BMPR1B: variants seen among roughly 807,000 people sequenced by gnomAD.
BMPR1B encodes the protein bone morphogenetic protein receptor type-1B.
BMPR1B carries 12 observed loss-of-function variants against 59.1 expected under a neutral mutation model. That is an observed-to-expected ratio of 0.20 (90% CI 0.13 to 0.33). The LOEUF is 0.33. BMPR1B is among the 10% of genes least tolerant of loss of function. The probability of loss-of-function intolerance (pLI) is 1.00; values close to 1 mark genes in which losing one functional copy is unlikely to be tolerated. For synonymous variants in BMPR1B, 237 were observed against 207.3 expected (o/e 1.14, Z -1.23); for missense variants, 550 against 610.9 (o/e 0.90, Z 1.05).
intron 3 of BMPR1B, among the ~76,000 whole-genome samples, chr4:95,095,353 A>G (rs986806155): frequency 6.6e-6 from 1 of 152,152 alleles, no homozygotes; most frequent in African/African-American, 2.4e-5. Context: ...AGTTTTGGTT[A>G]AGAAAGAAAA....
intron 3 of BMPR1B, among the ~76,000 whole-genome samples, chr4:95,040,074 G>A (rs1725544127): frequency 6.6e-6 from 1 of 150,940 alleles, no homozygotes; most frequent in African/African-American, 2.4e-5. Context: ...CCATAGGACT[G>A]ATATTTCGTA....
In BMPR1B at chr4:95,131,626, A is replaced by T. The variant is rs906734463; in HGVS notation, c.1076+114A>T. 3 of 1,265,378 alleles carry T rather than the reference A, an allele frequency of 2.4e-6. No homozygotes were observed. In the Admixed American group the frequency reaches 6.0e-5, roughly 25 times the overall value. The allele number at this position is 1,265,378 out of a possible 1,614,324, so 78.4% of individuals were successfully genotyped here. A position where few individuals can be genotyped will look rare whatever the true frequency, so the allele number is the denominator to read the frequency against. On this transcript the variant is annotated intron_variant, in intron 10 of 12. Transcript: ENST00000515059. ...GAAGAGGAATATCATTAATTTTGACATTTGACGGGGAGAACCACCAAACAT... is the reference window on the plus strand; with the variant it reads ...GAAGAGGAATATCATTAATTTTGACTTTTGACGGGGAGAACCACCAAACAT...
intron 6 of BMPR1B, among the ~76,000 whole-genome samples, chr4:95,121,217 A>G (rs1309246914): frequency 6.6e-6 from 1 of 152,242 alleles, no homozygotes; most frequent in Non-Finnish European, 1.5e-5. Flanking sequence ...GAATACAGCT[A>G]ACCAAGGAGG....
At chr4:94,844,537 T>C (rs1725238771) in intron 1 of BMPR1B, among the ~76,000 whole-genome samples, 1 of 152,118 alleles carries the variant, frequency 6.6e-6, no homozygotes, top group Non-Finnish European at 1.5e-5. Context: ...AGGATCCAAG[T>C]CATTCCCCAC....
intron 4 of BMPR1B, among the ~76,000 whole-genome samples, chr4:95,105,402 G>T (rs776895506): frequency 7.2e-5 from 11 of 151,940 alleles, no homozygotes; most frequent in Non-Finnish European, 1.0e-4. Context: ...GCTAGGTTTA[G>T]AGCCCAGGTA....
intron 1 of BMPR1B, among the ~76,000 whole-genome samples, chr4:94,796,435 A>C (rs771204361): frequency 3.3e-5 from 5 of 152,214 alleles, no homozygotes; most frequent in Admixed American, 6.5e-5. Context: ...GTTTCTGAAT[A>C]GCATGGACAG....
intron 1 of BMPR1B, among the ~76,000 whole-genome samples, chr4:94,813,061 A>G (rs1424080895): frequency 2.0e-5 from 3 of 151,768 alleles, no homozygotes; most frequent in South Asian, 2.1e-4. Context: ...TTATTAACCA[A>G]TTGGTTTATT....
intron 2 of BMPR1B, among the ~76,000 whole-genome samples, chr4:94,902,801 T>G (rs1446216690): frequency 6.6e-6 from 1 of 152,046 alleles, no homozygotes; most frequent in Non-Finnish European, 1.5e-5. Context: ...TAATCTCTGC[T>G]GTACTCATCT....
chr4:95,011,283 T>C (rs1441558641), intron 3 of BMPR1B, among the ~76,000 whole-genome samples: 4 of 152,158 alleles, frequency 2.6e-5, no homozygotes, highest in Non-Finnish European at 4.4e-5. Flanking sequence ...TGTTTCTTTC[T>C]TATCATTTAG....
chr4:94,865,918 G>T (rs533969153), intron 1 of BMPR1B, among the ~76,000 whole-genome samples: 1 of 152,172 alleles, frequency 6.6e-6, no homozygotes, highest in South Asian at 2.1e-4. Context: ...TTTGTGTCAG[G>T]AGTTTTCAGA....
At chr4:95,062,759 A>G (rs1475227806) in intron 3 of BMPR1B, among the ~76,000 whole-genome samples, 1 of 152,158 alleles carries the variant, frequency 6.6e-6, no homozygotes, top group East Asian at 1.9e-4. Flanking sequence ...ATTTGATTTT[A>G]TGGCTTTGGG....
intron 3 of BMPR1B, among the ~76,000 whole-genome samples, chr4:95,018,444 A>G (rs904337267): frequency 6.6e-6 from 1 of 152,220 alleles, no homozygotes; most frequent in Non-Finnish European, 1.5e-5. Context: ...GCTCTAGCCC[A>G]TAAAGTGCTA....
chr4:94,808,677 C>T (rs1275520699), intron 1 of BMPR1B, among the ~76,000 whole-genome samples: 1 of 152,190 alleles, frequency 6.6e-6, no homozygotes, highest in African/African-American at 2.4e-5. Flanking sequence ...TTTTTGTCAA[C>T]ACTAGCTTGG....
intron 3 of BMPR1B, among the ~76,000 whole-genome samples, chr4:95,098,429 T>A (rs189986199): frequency 5.9e-4 from 90 of 152,338 alleles, no homozygotes; most frequent in African/African-American, 1.9e-3. Flanking sequence ...ATTAAAGTGA[T>A]CCTTGTATAA....
At chr4:94,896,425 TA>T (rs1428713422) in intron 2 of BMPR1B, among the ~76,000 whole-genome samples, 2 of 152,010 alleles carry the variant, frequency 1.3e-5, no homozygotes, top group African/African-American at 4.8e-5. Flanking sequence ...TTTGCTGAAT[TA>T]AATCTGAAAG....
intron 1 of BMPR1B, among the ~76,000 whole-genome samples, chr4:94,818,034 T>C (rs1164554051): frequency 6.6e-6 from 1 of 152,188 alleles, no homozygotes; most frequent in African/African-American, 2.4e-5. Flanking sequence ...CATTAGTTTT[T>C]CAGAAGCTCT....
chr4:94,979,701 T>C (rs920911), intron 2 of BMPR1B, among the ~76,000 whole-genome samples: 145,345 of 152,336 alleles, frequency 0.95, 69,371 homozygotes, highest in Middle Eastern at 0.99. Flanking sequence ...TCAAGAACCA[T>C]ATGGTTAAAC....
At chr4:94,787,531 T>C (rs930117294) in intron 1 of BMPR1B, among the ~76,000 whole-genome samples, 3 of 152,124 alleles carry the variant, frequency 2.0e-5, no homozygotes, top group Non-Finnish European at 4.4e-5. Context: ...GTTTCGCCAG[T>C]TTATTACACT....
chr4:94,758,957 C>T (rs1721647690), intron 1 of BMPR1B, among the ~76,000 whole-genome samples: 1 of 152,080 alleles, frequency 6.6e-6, no homozygotes, highest in Non-Finnish European at 1.5e-5. Context: ...CTTTCGCTCC[C>T]GGTCTTCCTG....
Sources: gnomAD v4.1 joint callset for allele counts (sites outside exome capture counted in the v4.1 genomes callset) on GRCh38, gnomAD v4.1.1 for gene constraint, MANE v1.5 for transcripts, NCBI Gene and HGNC (gene_info 2026-07-23, HGNC 2026-07-21) for gene names.